RANBP10: variants seen among roughly 807,000 people sequenced by gnomAD.
RANBP10 encodes the protein RAN binding protein 10, also known as ran-binding protein 10.
RANBP10 carries 24 observed loss-of-function variants against 72.8 expected under a neutral mutation model. That is an observed-to-expected ratio of 0.33 (90% CI 0.24 to 0.46). RANBP10 has a LOEUF of 0.46. Ranked by LOEUF, RANBP10 falls within the 20% of genes least tolerant of loss-of-function variation. RANBP10 has a pLI of 1.00. For synonymous variants in RANBP10, 310 were observed against 322.3 expected, an observed-to-expected ratio of 0.96 and a Z score of 0.41; for missense variants, 679 against 817.5, an observed-to-expected ratio of 0.83 and a Z score of 2.07.
intron 6 of RANBP10, among the ~76,000 whole-genome samples, chr16:67,733,385 T>C (rs2053772889): frequency 6.6e-6 from 1 of 152,064 alleles, no homozygotes; most frequent in Non-Finnish European, 1.5e-5. Flanking sequence ...AAAGTAAGTA[T>C]AATTATTATT....
chr16:67,728,642 G>GC, intron 10 of RANBP10, 131 bp from the exon 11 acceptor site: 2 of 1,514,840 alleles, frequency 1.3e-6, no homozygotes, highest in Non-Finnish European at 1.8e-6. Context: ...TGAAAGGACA[G>GC]CTCAGGCTTC....
At chr16:67,735,172 G>C in intron 5 of RANBP10, 130 bp from the exon 6 acceptor site, 1 of 879,138 alleles carries the variant, frequency 1.1e-6, no homozygotes, top group Non-Finnish European at 1.7e-6. Context: ...AGGAGGCAGG[G>C]CGGAGCCACC....
Position 67,726,224 on chromosome 16 carries a change from G to A in RANBP10, c.*204C>T, listed in dbSNP as rs117882855. ...AATACTGTGTTACAGGCCGCTGCAC[G>A]TGAAGGGGAGAGAGAGAGAGACTGA... On this transcript the variant is annotated 3_prime_UTR_variant, in exon 14 of 14. Transcript: ENST00000317506. 4,872 of 666,302 alleles carry A rather than the reference G, an allele frequency of 7.3e-3. 35 individuals are homozygous for A. The highest frequency in any genetic ancestry group is 0.01 in the Non-Finnish European group (4,183 of 409,672). 41.3% of individuals were successfully genotyped at this position (666,302 alleles called of 1,614,324 possible).
Position 67,729,840 on chromosome 16 carries a change from G to A in RANBP10, c.999-12C>T, listed in dbSNP as rs375497073. 8.1e-6 allele frequency: 13 copies of A among 1,613,598 alleles called. No individual in the cohort carries two copies. The East Asian group carries it at 1.6e-4, about 19-fold the overall frequency. ...CAAACTGCCGGCACCTGTGGAGGGA[G>A]CGGAGCAATAATGCTCTGGTTGTGG... On this transcript the variant is annotated splice_polypyrimidine_tract_variant and intron_variant, in intron 8 of 13. Coordinates refer to ENST00000317506, the MANE Select transcript of RANBP10 (RefSeq NM_020850.3). The surrounding 1 kb of genome is among the most constrained non-coding windows in gnomAD (Gnocchi z 7.1).
intron 2 of RANBP10, among the ~76,000 whole-genome samples, chr16:67,799,340 T>C (rs1278231643): frequency 3.7e-5 from 5 of 135,156 alleles, no homozygotes; most frequent in Non-Finnish European, 7.9e-5. Context: ...CAGGCTGGAG[T>C]GCAGTGGCGC....
rs765880828 is a variant in RANBP10, at chr16:67,744,462, G to A, written c.401-7C>T. 6.2e-7 allele frequency: 1 copy of A among 1,610,348 alleles called. No homozygotes were observed. Among genetic ancestry groups the A allele is most frequent in the Admixed American group, 1.7e-5 (1 of 59,628 alleles). On this transcript the variant is annotated splice_polypyrimidine_tract_variant and splice_region_variant and intron_variant, in intron 3 of 13. Transcript: ENST00000317506. The stretch of plus-strand genomic sequence containing the variant: ...TAGGAATGTTTGTCCCAACCTGTGG[G>A]GGAAGAGAGCAGCAATAACTGAGTA...
In RANBP10 at chr16:67,727,763, T is replaced by C. The variant is rs1567669885; in HGVS notation, c.1608A>G (p.Thr536=). The C allele has an allele frequency of 1.2e-6, 2 of 1,614,188 alleles. No individual in the cohort carries two copies. The highest frequency in any genetic ancestry group is 1.3e-5 in the African/African-American group (1 of 75,062). ...GCTCATCCTGTACCTGCAGCATCTCTGTGTGGGCCAAATTCTTGCCGTACT... is the reference window on the plus strand; with the variant it reads ...GCTCATCCTGTACCTGCAGCATCTCCGTGTGGGCCAAATTCTTGCCGTACT... The part of the protein sequence containing the change: ...GREYGKNLAH[T]EMLQDAFSLL... Residue 536 remains threonine, a synonymous_variant, in exon 12 of 14, where the codon ACA becomes ACG. Transcript: ENST00000317506.
Position 67,726,313 on chromosome 16 carries a change from AG to A in RANBP10, c.*114del. 1 of 1,473,402 alleles carries A rather than the reference AG, an allele frequency of 6.8e-7. No homozygotes were observed. The allele number at this position is 1,473,402 out of a possible 1,614,324, so 91.3% of individuals were successfully genotyped here. A position where few individuals can be genotyped will look rare whatever the true frequency, so the allele number is the denominator to read the frequency against. On this transcript the variant is annotated 3_prime_UTR_variant, in exon 14 of 14. Transcript: ENST00000317506. The stretch of plus-strand genomic sequence containing the variant: ...GGGAGAGGGGGAAAGGCCAGGCAGG[AG>A]GAGTGGACTCTGTCTATGGTTTCCC...
At chr16:67,786,683 T>G (rs2054922644) in intron 2 of RANBP10, among the ~76,000 whole-genome samples, 1 of 152,212 alleles carries the variant, frequency 6.6e-6, no homozygotes, top group South Asian at 2.1e-4. Flanking sequence ...ATTTCAGCAC[T>G]TTGGGAGGCC....
At chr16:67,803,791 G>A (rs1208917191) in intron 2 of RANBP10, among the ~76,000 whole-genome samples, 2 of 146,070 alleles carry the variant, frequency 1.4e-5, no homozygotes, top group Non-Finnish European at 3.0e-5. Context: ...TCTTGCCACT[G>A]CACTTCAGCG....
intron 6 of RANBP10, among the ~76,000 whole-genome samples, chr16:67,732,266 AAC>A (rs2053748564): frequency 6.6e-6 from 1 of 152,208 alleles, no homozygotes; most frequent in Non-Finnish European, 1.5e-5. Context: ...GGCCAATGGG[AAC>A]ACAGTCATTG....
At chr16:67,744,019 A>G (rs547983379) in intron 4 of RANBP10, 10 of 918,632 alleles carry the variant, frequency 1.1e-5, no homozygotes, top group African/African-American at 1.1e-4. Context: ...CCTTGCTCCA[A>G]CAAGTGCCAC....
intron 3 of RANBP10, among the ~76,000 whole-genome samples, chr16:67,770,577 G>C (rs2054590077): frequency 6.6e-6 from 1 of 152,124 alleles, no homozygotes; most frequent in Admixed American, 6.6e-5. Context: ...AAAACACAAG[G>C]ACTTTTCCTG....
At position 67,727,998 on chromosome 16, in the gene RANBP10, C is replaced by T; in HGVS notation, c.1475-102G>A. On this transcript the variant is annotated intron_variant, in intron 11 of 13. Coordinates refer to ENST00000317506, the MANE Select transcript of RANBP10 (RefSeq NM_020850.3). ...ACCCCGGGTGGGCTGCAGCTTCTGC[C>T]AGAGGCAGGCAGGGCTGGGAGGAAC... 2.3e-6 allele frequency: 3 copies of T among 1,304,128 alleles called. No individual in the cohort carries two copies. The South Asian group carries it at 3.9e-5, about 17-fold the overall frequency. 80.8% of individuals were successfully genotyped at this position (1,304,128 alleles called of 1,614,324 possible).
chr16:67,770,166 GA>G (rs1488243831), intron 3 of RANBP10, among the ~76,000 whole-genome samples: 1 of 152,018 alleles, frequency 6.6e-6, no homozygotes, highest in Admixed American at 6.6e-5. Context: ...ACAAAATTAA[GA>G]ATCAGTTTGC....
rs562715194 is a variant in RANBP10 at position 67,724,669 on chromosome 16, G to T, written c.*1759C>A. The T allele has an allele frequency of 2.0e-5, 3 of 152,368 alleles. No homozygotes were observed. Among genetic ancestry groups the T allele is most frequent in the African/African-American group, 7.2e-5 (3 of 41,576 alleles). The allele number at this position is 152,368 out of a possible 1,614,324, so 9.4% of individuals were successfully genotyped here. A position where few individuals can be genotyped will look rare whatever the true frequency, so the allele number is the denominator to read the frequency against. ...TGACAGCACAGGGCCCAGGGCCCTG[G>T]CCCCATCACCAGCAGTTGGTCCAAT... On this transcript the variant is annotated 3_prime_UTR_variant, in exon 14 of 14. Transcript: ENST00000317506.
chr16:67,735,100 C>T, intron 5 of RANBP10, 58 bp from the exon 6 acceptor site: 2 of 1,443,326 alleles, frequency 1.4e-6, no homozygotes, highest in East Asian at 2.4e-5. Flanking sequence ...TCTAAGGCCT[C>T]ACCTCACCTC....
intron 6 of RANBP10, among the ~76,000 whole-genome samples, chr16:67,733,692 G>A (rs973080048): frequency 6.6e-6 from 1 of 152,220 alleles, no homozygotes; most frequent in Non-Finnish European, 1.5e-5. Flanking sequence ...TATGTGCTAT[G>A]CTGGACATGG....
At chr16:67,761,928 A>G (rs557263531) in intron 3 of RANBP10, among the ~76,000 whole-genome samples, 6 of 146,210 alleles carry the variant, frequency 4.1e-5, no homozygotes, top group Admixed American at 1.4e-4. Flanking sequence ...CTTCAGGTAG[A>G]AAAAAAAAAC....
Sources: gnomAD v4.1 joint callset for allele counts (sites outside exome capture counted in the v4.1 genomes callset) on GRCh38, gnomAD v4.1.1 for gene constraint, Gnocchi (gnomAD v3.1) non-coding constraint, MANE v1.5 for transcripts, NCBI Gene and HGNC (gene_info 2026-07-23, HGNC 2026-07-21) for gene names.